SGCD: variants seen among roughly 807,000 people sequenced by gnomAD.
The protein encoded by SGCD is sarcoglycan delta.
In SGCD, 18 loss-of-function variants were observed where a neutral mutation model predicts 36.6. That is an observed-to-expected ratio of 0.49 (90% CI 0.34 to 0.73). SGCD has a LOEUF of 0.73. SGCD is among the 30% of genes least tolerant of loss of function. The pLI, the probability that SGCD is intolerant of heterozygous loss-of-function variation, is 0.01. For synonymous variants in SGCD, 133 were observed against 130.6 expected, an observed-to-expected ratio of 1.02 and a Z score of -0.12; for missense variants, 387 against 346.7, an observed-to-expected ratio of 1.12 and a Z score of -0.92.
intron 1 of SGCD, among the ~76,000 whole-genome samples, chr5:155,896,407 G>T (rs1756259731): frequency 6.7e-6 from 1 of 149,512 alleles, no homozygotes; most frequent in African/African-American, 2.5e-5. Context: ...CCCTACCTGA[G>T]AATTGAACCC....
chr5:155,734,891 G>A, the SGCD span, among the ~76,000 whole-genome samples: 1 of 152,170 alleles, frequency 6.6e-6, no homozygotes, highest in South Asian at 2.1e-4. Flanking sequence ...CAAAGACTGT[G>A]TTAGATGTCT....
At chr5:156,179,412 TA>T (rs1180079804) in intron 3 of SGCD, among the ~76,000 whole-genome samples, 4 of 152,140 alleles carry the variant, frequency 2.6e-5, no homozygotes, top group African/African-American at 7.2e-5. Context: ...TTTGTATTAT[TA>T]AAAAATGTTT....
intron 3 of SGCD, among the ~76,000 whole-genome samples, chr5:156,438,176 A>C (rs1051827984): frequency 6.6e-6 from 1 of 152,308 alleles, no homozygotes; most frequent in Non-Finnish European, 1.5e-5. Context: ...ACCATAAATG[A>C]GTTAATGTAG....
chr5:156,581,945 C>T (rs1255316950), intron 4 of SGCD, among the ~76,000 whole-genome samples: 2 of 152,120 alleles, frequency 1.3e-5, no homozygotes, highest in Non-Finnish European at 2.9e-5. Flanking sequence ...TCCAACCAGT[C>T]CCAGTGAGAT....
chr5:156,014,291 C>T (rs1232570680), intron 1 of SGCD, among the ~76,000 whole-genome samples: 1 of 152,030 alleles, frequency 6.6e-6, no homozygotes, highest in Non-Finnish European at 1.5e-5. Flanking sequence ...AATGTAGACC[C>T]CTCTCCTTTT....
chr5:156,349,598 G>T (rs564631559), intron 3 of SGCD, among the ~76,000 whole-genome samples: 34 of 152,142 alleles, frequency 2.2e-4, no homozygotes, highest in Middle Eastern at 3.4e-3. Flanking sequence ...AAAAATAGAT[G>T]TTGGTTTGGA....
At chr5:155,852,794 A>C in the SGCD span, among the ~76,000 whole-genome samples, 1 of 152,264 alleles carries the variant, frequency 6.6e-6, no homozygotes, top group South Asian at 2.1e-4. Flanking sequence ...GCCTTGATGT[A>C]TTGATGTCTT....
intron 1 of SGCD, among the ~76,000 whole-genome samples, chr5:155,973,577 G>T (rs1392669299): frequency 6.6e-6 from 1 of 152,184 alleles, no homozygotes; most frequent in Non-Finnish European, 1.5e-5. Context: ...AAATGCTTTG[G>T]TGTTTGGCCA....
chr5:155,863,554 G>A, the SGCD span, among the ~76,000 whole-genome samples: 1 of 147,890 alleles, frequency 6.8e-6, no homozygotes, highest in African/African-American at 2.4e-5. Context: ...GATGGCCTAA[G>A]TCAATTACCG....
At chr5:156,328,929 A>G (rs569348878) in intron 1 of SGCD, among the ~76,000 whole-genome samples, 1 of 152,274 alleles carries the variant, frequency 6.6e-6, no homozygotes, top group South Asian at 2.1e-4. Context: ...CCCACTGCCA[A>G]TGAAAAAGGG....
At chr5:156,252,854 T>C (rs145388231) in intron 3 of SGCD, among the ~76,000 whole-genome samples, 6 of 152,300 alleles carry the variant, frequency 3.9e-5, no homozygotes, top group African/African-American at 7.2e-5. Context: ...ACAAGGTGTA[T>C]TGCTGGATGG....
intron 3 of SGCD, among the ~76,000 whole-genome samples, chr5:156,474,132 A>G (rs932497432): frequency 2.6e-5 from 4 of 152,158 alleles, no homozygotes; most frequent in Admixed American, 1.3e-4. Context: ...TTATCCCAAC[A>G]TGGGTAGGGG....
intron 3 of SGCD, among the ~76,000 whole-genome samples, chr5:156,434,926 G>A (rs1753180785): frequency 6.6e-6 from 1 of 152,202 alleles, no homozygotes; most frequent in African/African-American, 2.4e-5. Context: ...TGCCAAGCAA[G>A]TCATCTTGCT....
chr5:156,580,451 T>C (rs1760204630), intron 4 of SGCD, among the ~76,000 whole-genome samples: 2 of 152,228 alleles, frequency 1.3e-5, no homozygotes, highest in Admixed American at 1.3e-4. Context: ...TGAATTCTAA[T>C]GTTGGCCTGC....
chr5:156,232,112 A>G (rs1434837924), intron 3 of SGCD, among the ~76,000 whole-genome samples: 1 of 152,212 alleles, frequency 6.6e-6, no homozygotes, highest in African/African-American at 2.4e-5. Context: ...AACAAAGAGG[A>G]GAGCCAACAC....
At chr5:155,778,414 G>A in the SGCD span, among the ~76,000 whole-genome samples, 1 of 152,124 alleles carries the variant, frequency 6.6e-6, no homozygotes, top group Non-Finnish European at 1.5e-5. Context: ...CAGAAAAATT[G>A]TCTGTAATTG....
chr5:156,635,798 G>C (rs959914783), intron 6 of SGCD, among the ~76,000 whole-genome samples: 16 of 144,394 alleles, frequency 1.1e-4, no homozygotes, highest in South Asian at 2.2e-4. Flanking sequence ...AAAAACCAAA[G>C]ACCACATGTT....
At chr5:156,134,785 G>A (rs938516965) in intron 3 of SGCD, among the ~76,000 whole-genome samples, 2 of 152,036 alleles carry the variant, frequency 1.3e-5, no homozygotes, top group Non-Finnish European at 2.9e-5. Flanking sequence ...CATGGCACGT[G>A]TATACATATG....
chr5:155,922,271 T>C (rs951409519), intron 1 of SGCD, among the ~76,000 whole-genome samples: 1 of 152,092 alleles, frequency 6.6e-6, no homozygotes, highest in African/African-American at 2.4e-5. Context: ...ACATGAATTG[T>C]CTCTTGACAC....
Sources: gnomAD v4.1 joint callset for allele counts (sites outside exome capture counted in the v4.1 genomes callset) on GRCh38, gnomAD v4.1.1 for gene constraint, MANE v1.5 for transcripts, NCBI Gene and HGNC (gene_info 2026-07-23, HGNC 2026-07-21) for gene names.